The following SREK1 variants were observed in gnomAD, a reference collection of about 807,000 sequenced individuals.
SREK1 encodes the protein splicing regulatory glutamine/lysine-rich protein 1.
A neutral mutation model predicts 66.5 loss-of-function variants in SREK1; 13 were observed. The ratio of observed to expected loss-of-function variants is 0.20; its 90% CI spans 0.13 to 0.31. The LOEUF is 0.31. Among genes scored for constraint, SREK1 ranks in the 10% least tolerant of loss-of-function variants. The pLI is 1.00. For synonymous variants in SREK1, 265 were observed against 263.5 expected (o/e 1.01, Z -0.05); for missense variants, 607 against 769.6 (o/e 0.79, Z 2.50).
chr5:66,164,685 C>G (rs1351983768), intron 6 of SREK1, 98 bp from the exon 7 acceptor site: 1 of 1,606,080 alleles, frequency 6.2e-7, no homozygotes, highest in African/African-American at 1.3e-5. Flanking sequence ...AGAGTAGGCC[C>G]CTTGCACTAT....
intron 2 of SREK1, among the ~76,000 whole-genome samples, chr5:66,154,705 C>G (rs1398882011): frequency 6.6e-6 from 1 of 152,112 alleles, no homozygotes; most frequent in Non-Finnish European, 1.5e-5. Context: ...CAGAATAGGA[C>G]ATTCTCAGTA....
chr5:66,163,121 T>A (rs898822897), intron 5 of SREK1: 3 of 152,294 alleles, frequency 2.0e-5, no homozygotes, highest in Admixed American at 1.3e-4. Flanking sequence ...TCATGCAGAT[T>A]GTTGAGGCAT....
At chr5:66,173,594 TTGTC>T (rs553263044) in intron 9 of SREK1, among the ~76,000 whole-genome samples, 138 of 152,332 alleles carry the variant, frequency 9.1e-4, no homozygotes, top group African/African-American at 3.2e-3. Context: ...TCTCAAGTAA[TTGTC>T]TAGATTGCTG....
chr5:66,148,288 A>G (rs1453303615), intron 1 of SREK1, among the ~76,000 whole-genome samples: 1 of 152,012 alleles, frequency 6.6e-6, no homozygotes, highest in African/African-American at 2.4e-5. Flanking sequence ...CTTTTTTGGT[A>G]GGTCCTCTGT....
At chr5:66,150,193 G>A (rs1317532694) in intron 1 of SREK1, among the ~76,000 whole-genome samples, 2 of 152,210 alleles carry the variant, frequency 1.3e-5, no homozygotes, top group Non-Finnish European at 2.9e-5. Context: ...GGCTAGAGAA[G>A]CTTATAGGAT....
intron 9 of SREK1, among the ~76,000 whole-genome samples, chr5:66,173,095 A>G (rs1447858362): frequency 2.0e-5 from 3 of 152,038 alleles, no homozygotes; most frequent in Non-Finnish European, 4.4e-5. Context: ...AGCCTCCCAA[A>G]GTGCTGGAAT....
chr5:66,171,798 G>C (rs1208804474), intron 9 of SREK1, among the ~76,000 whole-genome samples: 1 of 152,102 alleles, frequency 6.6e-6, no homozygotes, highest in East Asian at 1.9e-4. Flanking sequence ...GATAATCGTA[G>C]ACATTTATTG....
chr5:66,170,527 CTT>C, intron 8 of SREK1, 56 bp from the exon 9 acceptor site: 1 of 1,533,462 alleles, frequency 6.5e-7, no homozygotes, highest in South Asian at 1.3e-5. Context: ...AGAGAGAGGT[CTT>C]TTTGGAGGAG....
chr5:66,171,647 A>G (rs1269966123), intron 9 of SREK1, among the ~76,000 whole-genome samples: 1 of 152,192 alleles, frequency 6.6e-6, no homozygotes, highest in Non-Finnish European at 1.5e-5. Context: ...CTAAATATAT[A>G]TATTAGCAAA....
intron 1 of SREK1, among the ~76,000 whole-genome samples, chr5:66,149,581 C>T (rs900468866): frequency 6.6e-6 from 1 of 152,224 alleles, no homozygotes; most frequent in African/African-American, 2.4e-5. Flanking sequence ...TAGATTTCAA[C>T]TAGGGGTATT....
intron 2 of SREK1, among the ~76,000 whole-genome samples, chr5:66,155,084 C>T (rs1744166729): frequency 2.2e-5 from 3 of 133,534 alleles, no homozygotes; most frequent in Non-Finnish European, 5.0e-5. Flanking sequence ...TTGAAACCTG[C>T]TTTATTCCCA....
In SREK1 at chr5:66,144,339, A is replaced by C; in HGVS notation, c.-38A>C. ...CGGCTCCGTCGCTGACGCGTCGTAGACGTTGGGGAGCGGGAAGGCAACGGC... is the reference window on the plus strand; with the variant it reads ...CGGCTCCGTCGCTGACGCGTCGTAGCCGTTGGGGAGCGGGAAGGCAACGGC... On this transcript the variant is annotated 5_prime_UTR_variant, in exon 1 of 12. Transcript: ENST00000334121. 6.7e-7 allele frequency: 1 copy of C among 1,482,078 alleles called. No individual in the cohort carries two copies. The highest frequency in any genetic ancestry group is 9.1e-7 in the Non-Finnish European group (1 of 1,094,168). The allele number at this position is 1,482,078 out of a possible 1,614,324, so 91.8% of individuals were successfully genotyped here. A position where few individuals can be genotyped will look rare whatever the true frequency, so the allele number is the denominator to read the frequency against.
At chr5:66,152,110 C>T (rs1194974142) in intron 1 of SREK1, among the ~76,000 whole-genome samples, 1 of 152,098 alleles carries the variant, frequency 6.6e-6, no homozygotes, top group Admixed American at 6.5e-5. Flanking sequence ...CCTTGGCCTC[C>T]CAGAGTGCTG....
chr5:66,154,398 G>A (rs979314116), intron 2 of SREK1, among the ~76,000 whole-genome samples: 12 of 152,170 alleles, frequency 7.9e-5, no homozygotes, highest in African/African-American at 2.7e-4. Flanking sequence ...GCACTGACTA[G>A]CATGTGTACA....
At chr5:66,172,518 C>A (rs1019221412) in intron 9 of SREK1, among the ~76,000 whole-genome samples, 1 of 152,154 alleles carries the variant, frequency 6.6e-6, no homozygotes, top group Non-Finnish European at 1.5e-5. Flanking sequence ...ACCTCAGCCT[C>A]CCGAGTAGCT....
At chr5:66,157,628 T>G in intron 2 of SREK1, 1 of 968,464 alleles carries the variant, frequency 1.0e-6, no homozygotes, top group South Asian at 4.8e-5. Flanking sequence ...AGCAGATTAT[T>G]GTTATTTGAT....
chr5:66,177,575 A>T lies in SREK1; in HGVS notation c.1642A>T (p.Arg548Ter), dbSNP rs1325962307. Residue 548 changes from arginine to a stop codon, truncating the protein, a stop_gained, in exon 11 of 12, where the codon AGA becomes TGA. Transcript: ENST00000334121. LOFTEE classifies it high-confidence loss of function. ...GGACCACATCAGTGAAAGAAGAGAG[A>T]GAGAACGTTCAACGTCTATGAGAAA... ...ERDHISERRE[R>*]ERSTSMRKSS... The T allele has an allele frequency of 6.2e-7, 1 of 1,611,128 alleles. No individual in the cohort carries two copies. The highest frequency in any genetic ancestry group is 8.5e-7 in the Non-Finnish European group (1 of 1,178,184).
chr5:66,176,488 G>C (rs1212713564), intron 10 of SREK1, among the ~76,000 whole-genome samples: 1 of 152,002 alleles, frequency 6.6e-6, no homozygotes, highest in Admixed American at 6.6e-5. Context: ...TTGTGTTACA[G>C]TTGCATTCGA....
chr5:66,158,560 T>C (rs1580638759), intron 2 of SREK1: 1 of 202,334 alleles, frequency 4.9e-6, no homozygotes, highest in East Asian at 1.6e-4. Flanking sequence ...TTGAAGTTGA[T>C]TACATGGAGT....
Sources: gnomAD v4.1 joint callset for allele counts (sites outside exome capture counted in the v4.1 genomes callset) on GRCh38, gnomAD v4.1.1 for gene constraint, MANE v1.5 for transcripts, NCBI Gene and HGNC (gene_info 2026-07-23, HGNC 2026-07-21) for gene names.